CAMKMT: variants seen among roughly 807,000 people sequenced by gnomAD.
The protein encoded by CAMKMT is calmodulin-lysine N-methyltransferase, also known as CaM KMT.
In CAMKMT, 53 loss-of-function variants were observed where a neutral mutation model predicts 48.0. That is an observed-to-expected ratio of 1.10 (90% CI 0.89 to 1.39). CAMKMT has a LOEUF of 1.39. Ranked by LOEUF, CAMKMT falls within the 40% of genes most tolerant of loss-of-function variation. The pLI, the probability that CAMKMT is intolerant of heterozygous loss-of-function variation, is 0.00. For synonymous variants in CAMKMT, 165 were observed against 152.3 expected (o/e 1.08, Z -0.61); for missense variants, 428 against 402.7 (o/e 1.06, Z -0.54).
rs961634075 is a variant in CAMKMT at position 44,737,208 on chromosome 2, C to T, written c.624-6414C>T. ...ACAGCTTACTACAGCTTCAACTTCC[C>T]GAGCTCAAGTGGTCCTCCCTTCTCA... On this transcript the variant is annotated intron_variant, in intron 7 of 10. Coordinates refer to ENST00000378494, the MANE Select transcript of CAMKMT (RefSeq NM_024766.5). Among the ~76,000 whole-genome samples, 7 of 152,084 alleles carry T rather than the reference C, an allele frequency of 4.6e-5. No homozygotes were observed. In the South Asian group the frequency reaches 6.2e-4, roughly 14 times the overall value.
chr2:44,637,312 C>T (rs1673188448), intron 3 of CAMKMT, among the ~76,000 whole-genome samples: 2 of 152,186 alleles, frequency 1.3e-5, no homozygotes, highest in Admixed American at 6.5e-5. Flanking sequence ...AAGAAAACTG[C>T]AATTGCACAA....
intron 3 of CAMKMT, among the ~76,000 whole-genome samples, chr2:44,624,351 A>G (rs989911170): frequency 6.6e-6 from 1 of 151,566 alleles, no homozygotes; most frequent in Non-Finnish European, 1.5e-5. Context: ...TTATACTTTA[A>G]GTTTTAGGGT....
chr2:44,531,848 T>A (rs1460081446), intron 3 of CAMKMT, among the ~76,000 whole-genome samples: 2 of 152,188 alleles, frequency 1.3e-5, no homozygotes, highest in Non-Finnish European at 2.9e-5. Context: ...AAAAAGAACA[T>A]AATTTTTGCA....
intron 3 of CAMKMT, among the ~76,000 whole-genome samples, chr2:44,402,925 T>G (rs1349168000): frequency 2.2e-5 from 2 of 89,388 alleles, no homozygotes; most frequent in Non-Finnish European, 5.1e-5. Flanking sequence ...TACTGAAAGT[T>G]TTTTTTTTTT....
intron 3 of CAMKMT, among the ~76,000 whole-genome samples, chr2:44,605,525 G>A (rs1165665779): frequency 1.3e-5 from 2 of 152,014 alleles, no homozygotes; most frequent in Non-Finnish European, 2.9e-5. Context: ...CATACATAAA[G>A]TAATGAGAAT....
intron 3 of CAMKMT, among the ~76,000 whole-genome samples, chr2:44,694,532 C>T (rs1676833546): frequency 6.6e-6 from 1 of 152,174 alleles, no homozygotes; most frequent in Admixed American, 6.5e-5. Flanking sequence ...CACTGCACTC[C>T]AGCCTGGCTG....
intron 3 of CAMKMT, among the ~76,000 whole-genome samples, chr2:44,568,532 A>G (rs997420789): frequency 4.6e-5 from 7 of 152,156 alleles, no homozygotes; most frequent in African/African-American, 1.7e-4. Flanking sequence ...CCACTGACTG[A>G]TGGCTGGACT....
At chr2:44,477,669 A>G (rs1668757630) in intron 3 of CAMKMT, among the ~76,000 whole-genome samples, 1 of 152,228 alleles carries the variant, frequency 6.6e-6, no homozygotes, top group Non-Finnish European at 1.5e-5. Flanking sequence ...CCTAGCTGCC[A>G]TTTCTTAACT....
chr2:44,644,355 A>C (rs1673619441), intron 3 of CAMKMT, among the ~76,000 whole-genome samples: 1 of 152,240 alleles, frequency 6.6e-6, no homozygotes, highest in Admixed American at 6.5e-5. Flanking sequence ...TAAGTCTATA[A>C]GTTGTTTTAT....
intron 3 of CAMKMT, among the ~76,000 whole-genome samples, chr2:44,691,976 A>T (rs959748443): frequency 6.6e-6 from 1 of 152,154 alleles, no homozygotes; most frequent in African/African-American, 2.4e-5. Context: ...ACTTAATCAT[A>T]TATTGTACAG....
At chr2:44,594,129 G>A (rs897178335) in intron 3 of CAMKMT, among the ~76,000 whole-genome samples, 1 of 152,130 alleles carries the variant, frequency 6.6e-6, no homozygotes, top group African/African-American at 2.4e-5. Context: ...CCTCTGCAAG[G>A]AGAACTACAA....
At chr2:44,723,467 T>A (rs1678591467) in intron 7 of CAMKMT, among the ~76,000 whole-genome samples, 1 of 151,956 alleles carries the variant, frequency 6.6e-6, no homozygotes. Flanking sequence ...GGCGGGCACC[T>A]GTAATCCGAG....
At chr2:44,378,837 C>A (rs1367042446) in intron 2 of CAMKMT, among the ~76,000 whole-genome samples, 2 of 152,102 alleles carry the variant, frequency 1.3e-5, no homozygotes, top group Non-Finnish European at 2.9e-5. Flanking sequence ...CCTCTTTGTT[C>A]TTCTGCAGCC....
chr2:44,571,428 T>G (rs1216554657), intron 3 of CAMKMT, among the ~76,000 whole-genome samples: 1 of 152,218 alleles, frequency 6.6e-6, no homozygotes, highest in African/African-American at 2.4e-5. Flanking sequence ...TTATGCAAAT[T>G]GAACTAGAAA....
rs567003939 is a variant in CAMKMT, at chr2:44,368,889, A to G, written c.139-3827A>G. On this transcript the variant is annotated intron_variant, in intron 1 of 10. Transcript: ENST00000378494. ...ACCCTGTATTATTATTATTATTTTT[A>G]AACAGAATCTTGCTCTGTTGCCTGC... is the stretch of plus-strand genomic sequence containing the variant. Among the ~76,000 whole-genome samples the G allele has an allele frequency of 1.0e-3, 157 of 152,164 alleles. 1 individual carries two copies. Among genetic ancestry groups the G allele is most frequent in the African/African-American group, 3.8e-3 (156 of 41,502 alleles).
At chr2:44,528,441 C>T (rs1363774238) in intron 3 of CAMKMT, among the ~76,000 whole-genome samples, 2 of 152,072 alleles carry the variant, frequency 1.3e-5, no homozygotes, top group Non-Finnish European at 2.9e-5. Flanking sequence ...TTGCCACCCC[C>T]TTAACTGCAT....
intron 3 of CAMKMT, among the ~76,000 whole-genome samples, chr2:44,648,972 A>G (rs1181688748): frequency 6.6e-6 from 1 of 152,254 alleles, no homozygotes; most frequent in Non-Finnish European, 1.5e-5. Flanking sequence ...TAGAGCTGCC[A>G]CTGCCTCAGA....
chr2:44,481,690 T>C (rs1265627348), intron 3 of CAMKMT, among the ~76,000 whole-genome samples: 1 of 152,088 alleles, frequency 6.6e-6, no homozygotes, highest in Non-Finnish European at 1.5e-5. Flanking sequence ...CATTCCCTAA[T>C]GATAAAGTTG....
chr2:44,766,035 T>C (rs904835263), intron 9 of CAMKMT, among the ~76,000 whole-genome samples: 1 of 152,144 alleles, frequency 6.6e-6, no homozygotes, highest in African/African-American at 2.4e-5. Flanking sequence ...CAGGACTGTG[T>C]TGGGGAAGCG....
Sources: allele counts gnomAD v4.1 joint callset (sites outside exome capture counted in the v4.1 genomes callset), GRCh38; gene constraint gnomAD v4.1.1; transcripts MANE v1.5; gene names NCBI Gene and HGNC (gene_info 2026-07-23, HGNC 2026-07-21).